Variants in FAM178B observed in about 807,000 individuals in gnomAD.
FAM178B encodes family with sequence similarity 178 member B.
In FAM178B, 82 loss-of-function variants were observed where a neutral mutation model predicts 91.7. The ratio of observed to expected loss-of-function variants is 0.89; its 90% CI spans 0.75 to 1.07. The LOEUF is 1.07. Ranked by LOEUF, FAM178B falls within the 50% of genes least tolerant of loss-of-function variation. FAM178B has a pLI of 0.00. For missense variants in FAM178B, 769 were observed against 846.7 expected (o/e 0.91, Z 1.14); for synonymous variants, 368 against 359.4 (o/e 1.02, Z -0.27).
At chr2:96,920,942 T>G (rs1044691114) in intron 12 of FAM178B, among the ~76,000 whole-genome samples, 1 of 152,194 alleles carries the variant, frequency 6.6e-6, no homozygotes, top group African/African-American at 2.4e-5. Flanking sequence ...AGGAGCTAAT[T>G]GCACAAGGCA....
chr2:96,972,670 G>C (rs574209560), intron 1 of FAM178B, 64 bp from the exon 2 acceptor site: 6 of 1,464,680 alleles, frequency 4.1e-6, no homozygotes, highest in Non-Finnish European at 5.6e-6. Context: ...TCTAAACCCC[G>C]TGATTCCCAC....
chr2:96,905,816 GTGTATATATATATATATATA>G (rs1476783892), intron 12 of FAM178B, among the ~76,000 whole-genome samples: 400 of 36,714 alleles, frequency 0.011, 11 homozygotes, highest in Non-Finnish European at 0.014. Flanking sequence ...ACATATATGT[GTGTATATATATATATATATA>G]TATATATATA....
At chr2:96,965,556 C>T (rs955046410) in intron 5 of FAM178B, among the ~76,000 whole-genome samples, 2 of 151,924 alleles carry the variant, frequency 1.3e-5, no homozygotes, top group African/African-American at 4.8e-5. Flanking sequence ...TCAACCTCCC[C>T]GGCTCAAGTG....
chr2:96,887,547 A>G (rs1395725145), intron 14 of FAM178B, among the ~76,000 whole-genome samples: 1 of 152,224 alleles, frequency 6.6e-6, no homozygotes, highest in Non-Finnish European at 1.5e-5. Context: ...AAGGAGGGAC[A>G]GCAGGAGCAA....
chr2:96,888,614 TGGCAGGGTCACCCAGCACA>T (rs886437671), intron 14 of FAM178B, among the ~76,000 whole-genome samples: 1 of 152,192 alleles, frequency 6.6e-6, no homozygotes, highest in Non-Finnish European at 1.5e-5. Flanking sequence ...AGGCGGCCCT[TGGCAGGGTCACCCAGCACA>T]GGGACAGACA....
chr2:96,908,669 A>T (rs566438808), intron 12 of FAM178B, among the ~76,000 whole-genome samples: 6 of 152,342 alleles, frequency 3.9e-5, no homozygotes, highest in African/African-American at 1.4e-4. Context: ...ATTCTGTCCC[A>T]TGGTCAGGTG....
intron 14 of FAM178B, among the ~76,000 whole-genome samples, chr2:96,885,322 C>T (rs545282088): frequency 1.3e-5 from 2 of 152,394 alleles, no homozygotes; most frequent in Admixed American, 6.5e-5. Context: ...ACACCCTCCA[C>T]GCCCTCAGAA....
intron 14 of FAM178B, among the ~76,000 whole-genome samples, chr2:96,887,759 G>T (rs2080564474): frequency 6.6e-6 from 1 of 152,224 alleles, no homozygotes; most frequent in African/African-American, 2.4e-5. Context: ...CGTTGTCCAG[G>T]AAGAGTTAAA....
chr2:96,973,481 G>GC (rs1314046119), intron 1 of FAM178B, among the ~76,000 whole-genome samples: 1 of 152,158 alleles, frequency 6.6e-6, no homozygotes, highest in Non-Finnish European at 1.5e-5. Flanking sequence ...AGGAGGAACT[G>GC]CCTGTCTCCA....
chr2:96,891,292 ACTT>A (rs2080672612), intron 14 of FAM178B, among the ~76,000 whole-genome samples: 1 of 152,192 alleles, frequency 6.6e-6, no homozygotes, highest in Non-Finnish European at 1.5e-5. Flanking sequence ...TGCAGGTAAT[ACTT>A]CTTTAGTCCA....
intron 4 of FAM178B, among the ~76,000 whole-genome samples, chr2:96,968,713 G>T (rs1304925550): frequency 6.6e-6 from 1 of 151,924 alleles, no homozygotes; most frequent in East Asian, 1.9e-4. Context: ...GGCCCCCTCA[G>T]CCCCTCATCA....
chr2:96,920,767 C>A (rs1432971431), intron 12 of FAM178B, among the ~76,000 whole-genome samples: 8 of 151,192 alleles, frequency 5.3e-5, no homozygotes, highest in Admixed American at 4.6e-4. Context: ...TAATTTCTGG[C>A]ATGGGTAAAT....
chr2:96,917,532 C>T (rs1057201012), intron 12 of FAM178B, among the ~76,000 whole-genome samples: 1 of 152,190 alleles, frequency 6.6e-6, no homozygotes, highest in South Asian at 2.1e-4. Context: ...GAGAAGGTAG[C>T]TTCAAATCTG....
At chr2:96,889,686 A>AAATG (rs2080619120) in intron 14 of FAM178B, among the ~76,000 whole-genome samples, 1 of 130,162 alleles carries the variant, frequency 7.7e-6, no homozygotes, top group Admixed American at 8.7e-5. Context: ...TCAAATAAAT[A>AAATG]AATAAATAAA....
At chr2:96,930,013 C>T (rs115230480) in intron 8 of FAM178B, among the ~76,000 whole-genome samples, 9 of 152,102 alleles carry the variant, frequency 5.9e-5, no homozygotes, top group East Asian at 1.9e-4. Flanking sequence ...TCAAGAAGTT[C>T]GAGACTAGCC....
intron 14 of FAM178B, among the ~76,000 whole-genome samples, chr2:96,886,469 G>C (rs1376181900): frequency 1.3e-5 from 2 of 152,230 alleles, no homozygotes; most frequent in African/African-American, 4.8e-5. Flanking sequence ...GGGCTGCTGA[G>C]GGAAGGCTGT....
At chr2:96,888,884 A>AC (rs1294212931) in intron 14 of FAM178B, among the ~76,000 whole-genome samples, 7 of 150,752 alleles carry the variant, frequency 4.6e-5, no homozygotes, top group East Asian at 2.0e-4. Flanking sequence ...CCTGGAGCAC[A>AC]CCCCCCCTCC....
intron 11 of FAM178B, 41 bp from the exon 12 acceptor site, chr2:96,921,303 G>A (rs144760560): frequency 9.0e-5 from 139 of 1,538,750 alleles, no homozygotes; most frequent in Non-Finnish European, 1.1e-4. Context: ...GGAGGACACC[G>A]CCTTCCCCTT....
chr2:96,897,284 T>G, intron 13 of FAM178B, among the ~76,000 whole-genome samples: 1 of 151,824 alleles, frequency 6.6e-6, no homozygotes, highest in East Asian at 1.9e-4. Flanking sequence ...GCCTGGCACA[T>G]GGTACATGTC....
Sources: allele counts gnomAD v4.1 joint callset (sites outside exome capture counted in the v4.1 genomes callset), GRCh38; gene constraint gnomAD v4.1.1; transcripts MANE v1.5; gene names NCBI Gene and HGNC (gene_info 2026-07-23, HGNC 2026-07-21).